STAC: variants seen among roughly 807,000 people sequenced by gnomAD.
The protein encoded by STAC is SH3 and cysteine rich domain.
Under a neutral mutation model 48.8 loss-of-function variants are expected in STAC, and 43 were observed. The ratio of observed to expected loss-of-function variants is 0.88; its 90% CI spans 0.69 to 1.14. The LOEUF is 1.14. Among genes scored for constraint, STAC ranks in the 50% most tolerant of loss-of-function variants. The probability of loss-of-function intolerance (pLI) is 0.00; values close to 1 mark genes in which losing one functional copy is unlikely to be tolerated. For missense variants in STAC, 497 were observed against 504.0 expected (o/e 0.99, Z 0.13); for synonymous variants, 193 against 179.5 (o/e 1.07, Z -0.60).
At chr3:36,409,530 C>G (rs1406863806) in intron 1 of STAC, 1 of 152,198 alleles carries the variant, frequency 6.6e-6, no homozygotes, top group Non-Finnish European at 1.5e-5. Context: ...CTGAGTGGTT[C>G]TTGACCCAGA....
At chr3:36,482,886 G>C (rs1697691364) in intron 2 of STAC, 106 bp from the exon 3 acceptor site, 1 of 708,070 alleles carries the variant, frequency 1.4e-6, no homozygotes, top group South Asian at 1.9e-5. Context: ...TCATGAAAAA[G>C]TTGTAGGAAA....
At chr3:36,466,072 T>C (rs535215330) in intron 2 of STAC, among the ~76,000 whole-genome samples, 7 of 152,358 alleles carry the variant, frequency 4.6e-5, no homozygotes, top group African/African-American at 1.7e-4. Context: ...AGTTGATTTT[T>C]GTATAAGGTG....
intron 2 of STAC, among the ~76,000 whole-genome samples, chr3:36,467,058 T>C (rs769410337): frequency 6.6e-6 from 1 of 152,174 alleles, no homozygotes; most frequent in Non-Finnish European, 1.5e-5. Flanking sequence ...CATAAAGTGA[T>C]GCTGGATTTT....
At chr3:36,413,718 T>C (rs2125637146) in intron 1 of STAC, among the ~76,000 whole-genome samples, 2 of 152,332 alleles carry the variant, frequency 1.3e-5, no homozygotes, top group South Asian at 4.1e-4. Context: ...CCTGTCATTA[T>C]GATGTTAGCT....
chr3:36,505,409 CT>C (rs1231466579), intron 7 of STAC, among the ~76,000 whole-genome samples: 1 of 151,938 alleles, frequency 6.6e-6, no homozygotes, highest in Non-Finnish European at 1.5e-5. Flanking sequence ...GTCCCTCTTT[CT>C]TTAGAAAGAA....
chr3:36,437,927 T>C (rs1575199173), intron 1 of STAC, among the ~76,000 whole-genome samples: 3 of 138,422 alleles, frequency 2.2e-5, no homozygotes, highest in East Asian at 4.1e-4. Context: ...ATGATATTCA[T>C]TGAGTTATTA....
In STAC at chr3:36,528,825, GCATGCCTCCTTTTT is replaced by G. The variant is rs1559526732; in HGVS notation, c.973-21_973-8del. On this transcript the variant is annotated splice_polypyrimidine_tract_variant and intron_variant, in intron 9 of 10. Coordinates refer to ENST00000273183, the MANE Select transcript of STAC (RefSeq NM_003149.3). ...TATAATACATGCTACAATTGTGGAT[GCATGCCTCCTTTTT>G]CCTTTCAGGGGAAAATTCAAGACAG... 4 of 1,609,622 alleles carry G rather than the reference GCATGCCTCCTTTTT, an allele frequency of 2.5e-6. No homozygotes were observed. The Admixed American group carries it at 5.0e-5, about 20-fold the overall frequency.
Position 36,546,558 on chromosome 3 carries a change from T to C in STAC, c.*269T>C, listed in dbSNP as rs553819521. The C allele has an allele frequency of 9.6e-6, 5 of 522,438 alleles. No homozygotes were observed. The highest frequency in any genetic ancestry group is 8.2e-5 in the South Asian group (3 of 36,732). 32.4% of individuals were successfully genotyped at this position (522,438 alleles called of 1,614,324 possible). On this transcript the variant is annotated 3_prime_UTR_variant, in exon 11 of 11. Coordinates refer to ENST00000273183, the MANE Select transcript of STAC (RefSeq NM_003149.3). ...ATGCTTGGCAGCAGCAGTAGGACTA[T>C]AAACCACAGCTGTCCCCCAGGATCC... is the stretch of plus-strand genomic sequence containing the variant.
intron 8 of STAC, among the ~76,000 whole-genome samples, chr3:36,524,418 C>A (rs112058982): frequency 1.3e-5 from 2 of 151,832 alleles, no homozygotes; most frequent in African/African-American, 4.8e-5. Context: ...GTGGTGAAAC[C>A]CTGTCTCTAC....
rs142783941 is a variant in STAC at position 36,397,757 on chromosome 3, G to A, written c.111+17003G>A. Among the ~76,000 whole-genome samples the A allele has an allele frequency of 1.5e-3, 234 of 152,232 alleles. 1 individual carries two copies. Among genetic ancestry groups the A allele is most frequent in the African/African-American group, 2.5e-3 (102 of 41,528 alleles). On this transcript the variant is annotated intron_variant, in intron 1 of 10. Coordinates refer to ENST00000273183, the MANE Select transcript of STAC (RefSeq NM_003149.3). ...TCAATCCACTTTGGATCACCCAAGT[G>A]CTCTTAGAATTTCAAGGATTTTATG... is the stretch of plus-strand genomic sequence containing the variant.
At chr3:36,492,227 G>C (rs1218600392) in intron 5 of STAC, among the ~76,000 whole-genome samples, 1 of 151,142 alleles carries the variant, frequency 6.6e-6, no homozygotes, top group Non-Finnish European at 1.5e-5. Context: ...TGAAGCGTTT[G>C]CCAGTTCCAT....
At chr3:36,433,303 G>A (rs1332513347) in intron 1 of STAC, among the ~76,000 whole-genome samples, 1 of 152,186 alleles carries the variant, frequency 6.6e-6, no homozygotes, top group East Asian at 1.9e-4. Flanking sequence ...ATGGGGTGCA[G>A]GAGGGGATGA....
intron 1 of STAC, among the ~76,000 whole-genome samples, chr3:36,383,131 T>TA: frequency 6.6e-6 from 1 of 152,360 alleles, no homozygotes; most frequent in East Asian, 1.9e-4. Context: ...AAGCATCTAC[T>TA]AATAAAACTT....
At chr3:36,477,480 TA>T (rs961089529) in intron 2 of STAC, among the ~76,000 whole-genome samples, 91 of 148,394 alleles carry the variant, frequency 6.1e-4, no homozygotes, top group Middle Eastern at 3.5e-3. Flanking sequence ...TTTCATTTTT[TA>T]AAAAAAAAAA....
chr3:36,456,292 C>T (rs1030474874), intron 2 of STAC, among the ~76,000 whole-genome samples: 6 of 152,112 alleles, frequency 3.9e-5, no homozygotes, highest in Non-Finnish European at 8.8e-5. Flanking sequence ...CTCTGTTGAC[C>T]TGAAAGAACT....
intron 2 of STAC, among the ~76,000 whole-genome samples, chr3:36,470,961 T>C (rs1326930764): frequency 6.6e-6 from 1 of 152,248 alleles, no homozygotes; most frequent in East Asian, 1.9e-4. Context: ...TAATTGCTTA[T>C]AAATTAAGAT....
intron 6 of STAC, among the ~76,000 whole-genome samples, chr3:36,494,199 G>T (rs1698076475): frequency 6.7e-6 from 1 of 150,170 alleles, no homozygotes; most frequent in Non-Finnish European, 1.5e-5. Flanking sequence ...GTAATCCAGA[G>T]CTTAAAGACA....
In STAC at chr3:36,471,233, C is replaced by T. The variant is rs1170517477; in HGVS notation, c.389-11759C>T. 3.3e-5 allele frequency among the ~76,000 whole-genome samples: 5 copies of T among 152,264 alleles called. No individual in the cohort carries two copies. In the East Asian group the frequency reaches 5.8e-4, roughly 18 times the overall value. On this transcript the variant is annotated intron_variant, in intron 2 of 10. Transcript: ENST00000273183. Reference sequence around the variant, plus strand: ...AACCCCTGATAAACCTATCAGTTCTCGTGAGACTTATTCACTATCACAAGA... The same window carrying T: ...AACCCCTGATAAACCTATCAGTTCTTGTGAGACTTATTCACTATCACAAGA...
chr3:36,473,472 A>G (rs948401393), intron 2 of STAC, among the ~76,000 whole-genome samples: 4 of 152,160 alleles, frequency 2.6e-5, no homozygotes, highest in African/African-American at 9.7e-5. Context: ...TTACTTTTGC[A>G]TGGAGATGTA....
Sources: allele counts gnomAD v4.1 joint callset (sites outside exome capture counted in the v4.1 genomes callset), GRCh38; gene constraint gnomAD v4.1.1; transcripts MANE v1.5; gene names NCBI Gene and HGNC (gene_info 2026-07-23, HGNC 2026-07-21).